Variants in IL23R observed in about 807,000 individuals in gnomAD.
IL23R encodes interleukin-23 receptor.
Under a neutral mutation model 56.9 loss-of-function variants are expected in IL23R, and 34 were observed. That is an observed-to-expected ratio of 0.60 (90% CI 0.45 to 0.80). The LOEUF is 0.80. Among genes scored for constraint, IL23R ranks in the 30% least tolerant of loss-of-function variants. IL23R has a pLI of 0.00. For synonymous variants in IL23R, 230 were observed against 249.2 expected (o/e 0.92, Z 0.73); for missense variants, 635 against 730.0 (o/e 0.87, Z 1.50).
intron 1 of IL23R, among the ~76,000 whole-genome samples, chr1:67,149,167 A>G (rs969628455): frequency 6.6e-6 from 1 of 152,262 alleles, no homozygotes; most frequent in African/African-American, 2.4e-5. Flanking sequence ...CTTTCCTGTC[A>G]TCAGTTAGTC....
At chr1:67,248,835 G>A (rs553089004) in intron 9 of IL23R, among the ~76,000 whole-genome samples, 68 of 152,280 alleles carry the variant, frequency 4.5e-4, no homozygotes, top group South Asian at 2.1e-3. Context: ...TGTGAAGACC[G>A]TGGGGAAAGC....
intron 4 of IL23R, among the ~76,000 whole-genome samples, chr1:67,189,725 G>A (rs1021925231): frequency 6.6e-6 from 1 of 152,122 alleles, no homozygotes; most frequent in Non-Finnish European, 1.5e-5. Flanking sequence ...CAGGTGGATT[G>A]CTTGAGCTCA....
At position 67,169,383 on chromosome 1, in the gene IL23R, C is replaced by A; in HGVS notation, c.112C>A (p.Pro38Thr). Residue 38 changes from proline (P) to threonine (T), a missense_variant, in exon 3 of 11, where the codon CCA becomes ACA. By Grantham distance (38) the Pro-to-Thr change is conservative (BLOSUM62 -1). Coordinates refer to ENST00000347310, the MANE Select transcript of IL23R (RefSeq NM_144701.3). ...CTGCTCTGGCCACATCTGGGTAGAA[C>A]CAGCCACAATTTTTAAGATGGGTAT... Reference protein sequence around the residue: ...INCSGHIWVEPATIFKMGMNI... With the variant: ...INCSGHIWVETATIFKMGMNI... 2 of 1,613,188 alleles carry A rather than the reference C, an allele frequency of 1.2e-6. No homozygotes were observed. Among genetic ancestry groups the A allele is most frequent in the East Asian group, 2.2e-5 (1 of 44,860 alleles).
intron 7 of IL23R, among the ~76,000 whole-genome samples, chr1:67,229,628 C>T (rs1650966629): frequency 6.6e-6 from 1 of 152,226 alleles, no homozygotes; most frequent in African/African-American, 2.4e-5. Flanking sequence ...AACCCCCATC[C>T]TGAAACTACA....
At chr1:67,140,713 G>T (rs1255277882) in intron 1 of IL23R, among the ~76,000 whole-genome samples, 1 of 152,048 alleles carries the variant, frequency 6.6e-6, no homozygotes. Flanking sequence ...AACAAAACTT[G>T]TAACGATGAT....
At chr1:67,142,984 A>G (rs1387980198) in intron 1 of IL23R, among the ~76,000 whole-genome samples, 1 of 152,246 alleles carries the variant, frequency 6.6e-6, no homozygotes, top group African/African-American at 2.4e-5. Flanking sequence ...TGCCTATTTC[A>G]TAAATGAGAC....
chr1:67,219,773 T>C, intron 7 of IL23R, 43 bp downstream of exon 7: 2 of 1,574,698 alleles, frequency 1.3e-6, no homozygotes, highest in South Asian at 1.1e-5. Flanking sequence ...CTTTTCTTTA[T>C]ATATCTTTTC....
At chr1:67,154,818 T>C (rs1258467773) in intron 1 of IL23R, among the ~76,000 whole-genome samples, 1 of 152,206 alleles carries the variant, frequency 6.6e-6, no homozygotes, top group Non-Finnish European at 1.5e-5. Context: ...TGTGTGAATT[T>C]GATCCTGTCA....
chr1:67,207,851 T>C (rs1037240675), intron 6 of IL23R, among the ~76,000 whole-genome samples: 11 of 152,166 alleles, frequency 7.2e-5, no homozygotes, highest in African/African-American at 2.7e-4. Flanking sequence ...AACTGGGTAA[T>C]AGGCAGAAAT....
At chr1:67,254,125 G>T (rs186771911) in intron 9 of IL23R, among the ~76,000 whole-genome samples, 1 of 152,138 alleles carries the variant, frequency 6.6e-6, no homozygotes, top group Non-Finnish European at 1.5e-5. Context: ...CTGGAGTGCA[G>T]TGGTGCAATC....
intron 7 of IL23R, among the ~76,000 whole-genome samples, chr1:67,234,588 A>C (rs1042928748): frequency 6.6e-6 from 1 of 152,262 alleles, no homozygotes; most frequent in Admixed American, 6.5e-5. Context: ...CTTTTAAATT[A>C]AAAATGCTAA....
chr1:67,206,625 T>C (rs1221960155), intron 5 of IL23R, among the ~76,000 whole-genome samples: 1 of 151,894 alleles, frequency 6.6e-6, no homozygotes, highest in African/African-American at 2.4e-5. Flanking sequence ...ATTTTATTAG[T>C]TAGGATTGTA....
At chr1:67,184,712 C>T (rs1395226440) in intron 4 of IL23R, among the ~76,000 whole-genome samples, 2 of 151,760 alleles carry the variant, frequency 1.3e-5, no homozygotes, top group South Asian at 2.1e-4. Context: ...TTATTGGACC[C>T]TTACTGTTTG....
chr1:67,258,942 G>A lies in IL23R; in HGVS notation c.1704G>A (p.Glu568=), dbSNP rs1376345862. The part of the protein sequence containing the change: ...CSSPDIQNSV[E]EETTMLLEND... ...CTCCTGACATACAAAACTCAGTAGA[G>A]GAGGAAACCACCATGCTTTTGGAAA... The change falls in exon 11 of 11, where the codon GAG becomes GAA. Residue 568 remains glutamate, a synonymous_variant. Transcript: ENST00000347310. 1 of 1,614,008 alleles carries A rather than the reference G, an allele frequency of 6.2e-7. No individual in the cohort carries two copies.
intron 9 of IL23R, among the ~76,000 whole-genome samples, chr1:67,247,690 T>C (rs1652330656): frequency 6.6e-6 from 1 of 152,224 alleles, no homozygotes; most frequent in Non-Finnish European, 1.5e-5. Context: ...GCCCATTAGT[T>C]GATGCGGTTT....
At chr1:67,154,734 CT>C (rs1346409512) in intron 1 of IL23R, among the ~76,000 whole-genome samples, 2 of 152,120 alleles carry the variant, frequency 1.3e-5, no homozygotes, top group Non-Finnish European at 2.9e-5. Flanking sequence ...GGTCTTGACT[CT>C]TTATCCAATT....
At chr1:67,218,933 A>AT (rs1206099875) in intron 6 of IL23R, among the ~76,000 whole-genome samples, 1 of 151,428 alleles carries the variant, frequency 6.6e-6, no homozygotes, top group African/African-American at 2.4e-5. Flanking sequence ...TATCTAGAAA[A>AT]AAAATAAAAT....
chr1:67,232,259 A>T (rs1651149846), intron 7 of IL23R, among the ~76,000 whole-genome samples: 1 of 152,238 alleles, frequency 6.6e-6, no homozygotes, highest in Non-Finnish European at 1.5e-5. Flanking sequence ...AGAAGAAAAT[A>T]ACTCTACGCT....
intron 6 of IL23R, among the ~76,000 whole-genome samples, chr1:67,210,072 A>C (rs540299991): frequency 6.6e-5 from 10 of 152,348 alleles, no homozygotes; most frequent in African/African-American, 2.4e-4. Context: ...TATAGTTCAG[A>C]GTGTAATATT....
Sources: allele counts gnomAD v4.1 joint callset (sites outside exome capture counted in the v4.1 genomes callset), GRCh38; gene constraint gnomAD v4.1.1; transcripts MANE v1.5; gene names NCBI Gene and HGNC (gene_info 2026-07-23, HGNC 2026-07-21).